The following DYM variants were observed in gnomAD, a reference collection of about 807,000 sequenced individuals.
DYM encodes dymeclin.
Under a neutral mutation model 93.1 loss-of-function variants are expected in DYM, and 78 were observed. The observed-to-expected ratio is 0.84, with a 90% confidence interval of 0.70 to 1.01. The LOEUF (loss-of-function observed/expected upper bound fraction) is 1.01, where lower values mean the gene tolerates loss of function less well. Ranked by LOEUF, DYM falls within the 50% of genes least tolerant of loss-of-function variation. DYM has a pLI of 0.00. For synonymous variants in DYM, 321 were observed against 319.7 expected, an observed-to-expected ratio of 1.00 and a Z score of -0.04; for missense variants, 789 against 845.0, an observed-to-expected ratio of 0.93 and a Z score of 0.82.
rs148195282 is a variant in DYM, at chr18:49,351,914, A to G, written c.494+11247T>C. ...CAAGAAAATAGTGAAGAGGAATCCC[A>G]GATGACACAGCTATGTGATAGCCCT... On this transcript the variant is annotated intron_variant, in intron 6 of 17. Transcript: ENST00000675505. 2.0e-5 allele frequency among the ~76,000 whole-genome samples: 3 copies of G among 152,364 alleles called. No individual in the cohort carries two copies. The East Asian group carries it at 5.8e-4, about 29-fold the overall frequency.
rs764026682 is a variant in DYM, at chr18:49,037,764, ATAAT to A, written c.*6287_*6290del. 2.6e-5 allele frequency among the ~76,000 whole-genome samples: 4 copies of A among 152,188 alleles called. No homozygotes were observed. The highest frequency in any genetic ancestry group is 5.9e-5 in the Non-Finnish European group (4 of 68,036). ...GGATTATAAAATTATCTTTTTGTAA[ATAAT>A]TAGTCTTGATTCTATTATGGTCAGA... is the stretch of plus-strand genomic sequence containing the variant. On this transcript the variant is annotated 3_prime_UTR_variant, in exon 18 of 18. Transcript: ENST00000675505.
intron 14 of DYM, among the ~76,000 whole-genome samples, chr18:49,176,438 T>A (rs1459623862): frequency 6.6e-6 from 1 of 151,814 alleles, no homozygotes; most frequent in African/African-American, 2.4e-5. Context: ...AGAAACAGGG[T>A]CTCATTCTGT....
At chr18:49,054,091 G>T (rs2075263816) in intron 17 of DYM, among the ~76,000 whole-genome samples, 1 of 152,194 alleles carries the variant, frequency 6.6e-6, no homozygotes, top group African/African-American at 2.4e-5. Context: ...CAAGACTGAA[G>T]TGCAGGCTCT....
intron 14 of DYM, among the ~76,000 whole-genome samples, chr18:49,168,897 G>A (rs2088277224): frequency 6.6e-6 from 1 of 152,160 alleles, no homozygotes; most frequent in African/African-American, 2.4e-5. Flanking sequence ...AAAGTGTTTA[G>A]AAAGGCACTG....
chr18:49,149,434 C>G (rs1470433935), intron 15 of DYM, among the ~76,000 whole-genome samples: 1 of 152,144 alleles, frequency 6.6e-6, no homozygotes, highest in Non-Finnish European at 1.5e-5. Flanking sequence ...ATATGCACTG[C>G]TACCTTCCAA....
intron 2 of DYM, among the ~76,000 whole-genome samples, chr18:49,397,729 C>A (rs1020530816): frequency 6.6e-5 from 10 of 152,290 alleles, no homozygotes; most frequent in African/African-American, 2.2e-4. Context: ...TAATTGCTGA[C>A]CACCTGAAAT....
At chr18:49,437,582 T>C (rs78472668) in intron 1 of DYM, among the ~76,000 whole-genome samples, 13,896 of 152,206 alleles carry the variant, frequency 0.091, 856 homozygotes, top group East Asian at 0.31. Flanking sequence ...ATATGATAAA[T>C]CCAGAGAAAT....
intron 17 of DYM, among the ~76,000 whole-genome samples, chr18:49,056,266 A>G (rs1222593469): frequency 6.6e-6 from 1 of 152,206 alleles, no homozygotes; most frequent in Non-Finnish European, 1.5e-5. Context: ...AAGACAGGCC[A>G]TTTTCATTGA....
rs2094696114 is a variant in DYM, at chr18:49,271,438, C to T, written c.1251+740G>A. Reference sequence around the variant, plus strand: ...ACCCAGAGGGAACACTTGTGGAATGCAGGAAGAACCAATGACTATCTTCCA... The same window carrying T: ...ACCCAGAGGGAACACTTGTGGAATGTAGGAAGAACCAATGACTATCTTCCA... On this transcript the variant is annotated intron_variant, in intron 11 of 17. Transcript: ENST00000675505. 2.0e-5 allele frequency among the ~76,000 whole-genome samples: 3 copies of T among 152,126 alleles called. No homozygotes were observed. In the South Asian group the frequency reaches 6.2e-4, roughly 32 times the overall value.
chr18:49,274,026 C>T (rs1054969638), intron 10 of DYM, among the ~76,000 whole-genome samples: 1 of 152,004 alleles, frequency 6.6e-6, no homozygotes, highest in Non-Finnish European at 1.5e-5. Context: ...AATTTACAGA[C>T]CATACAATCC....
At chr18:49,342,060 C>A (rs2064204730) in intron 6 of DYM, among the ~76,000 whole-genome samples, 1 of 152,194 alleles carries the variant, frequency 6.6e-6, no homozygotes, top group Admixed American at 6.5e-5. Context: ...CGGCAAGCTG[C>A]ATTCCATTCT....
chr18:49,345,003 T>G (rs1429930543), intron 6 of DYM, among the ~76,000 whole-genome samples: 2 of 152,202 alleles, frequency 1.3e-5, no homozygotes, highest in Non-Finnish European at 2.9e-5. Context: ...AGTAACAGGC[T>G]AAGCTGCTGT....
intron 13 of DYM, among the ~76,000 whole-genome samples, chr18:49,237,901 CTCTT>C (rs1874665992): frequency 6.8e-6 from 1 of 147,736 alleles, no homozygotes; most frequent in Non-Finnish European, 1.5e-5. Context: ...CAGTACCTTA[CTCTT>C]TTTTTTTTTT....
chr18:49,329,208 C>G (rs1568260318), intron 8 of DYM, among the ~76,000 whole-genome samples: 1 of 148,680 alleles, frequency 6.7e-6, no homozygotes, highest in East Asian at 2.0e-4. Context: ...ACCGCATGTT[C>G]TCACTCATAG....
intron 13 of DYM, among the ~76,000 whole-genome samples, chr18:49,210,469 G>A (rs1463199350): frequency 6.6e-6 from 1 of 152,188 alleles, no homozygotes; most frequent in African/African-American, 2.4e-5. Context: ...CATATTGTGT[G>A]ATTCCATTTA....
chr18:49,052,925 C>T (rs1213897143), intron 17 of DYM, among the ~76,000 whole-genome samples: 2 of 152,184 alleles, frequency 1.3e-5, no homozygotes, highest in African/African-American at 4.8e-5. Context: ...CAAGCTCAGG[C>T]TACTTTGGTG....
chr18:49,317,627 C>CT (rs573051080), intron 8 of DYM, among the ~76,000 whole-genome samples: 1,722 of 24,118 alleles, frequency 0.071, 255 homozygotes, highest in Non-Finnish European at 0.11. Context: ...CTCCCTCCCT[C>CT]CCTCTCCTAT....
chr18:49,116,998 T>A (rs886816309), intron 16 of DYM, among the ~76,000 whole-genome samples: 1 of 152,218 alleles, frequency 6.6e-6, no homozygotes, highest in Non-Finnish European at 1.5e-5. Context: ...CTAAGGATGC[T>A]CTCACACACA....
rs1023655904 is a variant in DYM at position 49,042,200 on chromosome 18, A to G, written c.*1855T>C. 4.6e-5 allele frequency: 7 copies of G among 153,012 alleles called. No homozygotes were observed. Among genetic ancestry groups the G allele is most frequent in the Non-Finnish European group, 7.3e-5 (5 of 68,060 alleles). 9.5% of individuals were successfully genotyped at this position (153,012 alleles called of 1,614,324 possible). On this transcript the variant is annotated 3_prime_UTR_variant, in exon 18 of 18. Transcript: ENST00000675505. ...GCCAAGCCTCACCTCTAGCCTGTACATGGGCTCTGAGGTGAACACAGGAGT... is the reference window on the plus strand; with the variant it reads ...GCCAAGCCTCACCTCTAGCCTGTACGTGGGCTCTGAGGTGAACACAGGAGT...
Sources: allele counts gnomAD v4.1 joint callset (sites outside exome capture counted in the v4.1 genomes callset), GRCh38; gene constraint gnomAD v4.1.1; transcripts MANE v1.5; gene names NCBI Gene and HGNC (gene_info 2026-07-23, HGNC 2026-07-21).